Variants in LRRTM4 observed in about 807,000 individuals in gnomAD.
LRRTM4 encodes leucine rich repeat transmembrane neuronal 4.
Under a neutral mutation model 47.6 loss-of-function variants are expected in LRRTM4, and 25 were observed. The ratio of observed to expected loss-of-function variants is 0.53; its 90% CI spans 0.38 to 0.73. The LOEUF (loss-of-function observed/expected upper bound fraction) is 0.73. LRRTM4 is among the 30% of genes least tolerant of loss of function. LRRTM4 has a pLI of 0.00. For missense variants in LRRTM4, 638 were observed against 713.4 expected (o/e 0.89, Z 1.20); for synonymous variants, 311 against 269.5 (o/e 1.15, Z -1.51).
chr2:77,242,524 T>A (rs1007597376), intron 3 of LRRTM4, among the ~76,000 whole-genome samples: 1 of 152,004 alleles, frequency 6.6e-6, no homozygotes, highest in Non-Finnish European at 1.5e-5. Context: ...GACATTTCTC[T>A]AAAATACATA....
chr2:76,804,864 T>C (rs1454818050), intron 3 of LRRTM4, among the ~76,000 whole-genome samples: 1 of 151,608 alleles, frequency 6.6e-6, no homozygotes, highest in Non-Finnish European at 1.5e-5. Context: ...GTTAATAGAT[T>C]TTTTTAAAGC....
At chr2:77,521,938 C>T (rs1216347223) in intron 1 of LRRTM4, 120 bp from the exon 2 acceptor site, 6 of 532,874 alleles carry the variant, frequency 1.1e-5, no homozygotes, top group African/African-American at 8.7e-5. Context: ...AAAAGGAAGC[C>T]GTTGGGGGGA....
chr2:77,362,123 A>G (rs868047469), intron 3 of LRRTM4, among the ~76,000 whole-genome samples: 8 of 115,408 alleles, frequency 6.9e-5, no homozygotes, highest in South Asian at 3.0e-4. Context: ...GAGAGAAAGA[A>G]AGAAAGAAAG....
intron 3 of LRRTM4, among the ~76,000 whole-genome samples, chr2:77,215,253 T>C (rs999508429): frequency 6.6e-6 from 1 of 151,866 alleles, no homozygotes; most frequent in Admixed American, 6.6e-5. Context: ...AAAGAAAAAA[T>C]GATTATGGAA....
chr2:77,090,054 A>G (rs1479654207), intron 3 of LRRTM4, among the ~76,000 whole-genome samples: 1 of 152,072 alleles, frequency 6.6e-6, no homozygotes, highest in South Asian at 2.1e-4. Flanking sequence ...CTTGCTCCCC[A>G]GGCTGCTCCT....
At chr2:77,364,664 TGTAATGCA>T (rs1352064038) in intron 3 of LRRTM4, among the ~76,000 whole-genome samples, 1 of 152,070 alleles carries the variant, frequency 6.6e-6, no homozygotes, top group Non-Finnish European at 1.5e-5. Flanking sequence ...GTCAATAGTC[TGTAATGCA>T]GCTTCTACCC....
chr2:77,068,030 T>C (rs1309524782), intron 3 of LRRTM4, among the ~76,000 whole-genome samples: 1 of 152,122 alleles, frequency 6.6e-6, no homozygotes, highest in Non-Finnish European at 1.5e-5. Context: ...TTAAAAGTTA[T>C]AAATTAATAC....
At chr2:77,376,919 A>AC (rs1672862337) in intron 3 of LRRTM4, among the ~76,000 whole-genome samples, 2 of 151,944 alleles carry the variant, frequency 1.3e-5, no homozygotes, top group African/African-American at 4.8e-5. Context: ...GAGAATAACT[A>AC]CAAGAACTAT....
intron 3 of LRRTM4, among the ~76,000 whole-genome samples, chr2:76,797,418 G>C (rs186877991): frequency 6.6e-6 from 1 of 152,016 alleles, no homozygotes; most frequent in Non-Finnish European, 1.5e-5. Context: ...CAAATGCTGA[G>C]AGATTTTGTC....
chr2:77,331,908 C>T (rs1161255968), intron 3 of LRRTM4, among the ~76,000 whole-genome samples: 1 of 152,066 alleles, frequency 6.6e-6, no homozygotes, highest in Non-Finnish European at 1.5e-5. Context: ...TGGATTTACA[C>T]AATTTAATTA....
At chr2:76,769,166 C>A (rs1456922355) in intron 3 of LRRTM4, among the ~76,000 whole-genome samples, 1 of 152,104 alleles carries the variant, frequency 6.6e-6, no homozygotes, top group East Asian at 1.9e-4. Context: ...TTAACATCTT[C>A]ATAGGACTAG....
chr2:76,770,687 T>C (rs923894244), intron 3 of LRRTM4, among the ~76,000 whole-genome samples: 2 of 152,186 alleles, frequency 1.3e-5, no homozygotes, highest in African/African-American at 4.8e-5. Context: ...AAAAGCTATG[T>C]AAAATACATC....
chr2:77,104,625 T>C (rs1671043547), intron 3 of LRRTM4, among the ~76,000 whole-genome samples: 1 of 152,154 alleles, frequency 6.6e-6, no homozygotes, highest in South Asian at 2.1e-4. Flanking sequence ...TAAGCATTTG[T>C]GCAGAAGGAA....
chr2:76,874,935 AT>A (rs1672736837), intron 3 of LRRTM4, among the ~76,000 whole-genome samples: 1 of 152,086 alleles, frequency 6.6e-6, no homozygotes, highest in South Asian at 2.1e-4. Context: ...GATATTTGTT[AT>A]AGTAATTTAA....
chr2:77,159,065 T>A (rs2103803018), intron 3 of LRRTM4, among the ~76,000 whole-genome samples: 1 of 152,314 alleles, frequency 6.6e-6, no homozygotes, highest in African/African-American at 2.4e-5. Context: ...CTAAATTTGA[T>A]GACATTTTAT....
intron 3 of LRRTM4, among the ~76,000 whole-genome samples, chr2:76,918,966 T>G (rs1270098110): frequency 6.6e-6 from 1 of 152,148 alleles, no homozygotes; most frequent in African/African-American, 2.4e-5. Flanking sequence ...CTGGTTACGG[T>G]TTATTGCAGC....
chr2:76,844,095 G>A (rs1558688877), intron 3 of LRRTM4, among the ~76,000 whole-genome samples: 2 of 151,390 alleles, frequency 1.3e-5, no homozygotes, highest in African/African-American at 2.4e-5. Context: ...TAGAGATGGG[G>A]TTTCACCATG....
In LRRTM4 at chr2:77,521,689, C is replaced by T. The variant is rs762068664; in HGVS notation, c.-18G>A. The T allele has an allele frequency of 2.7e-5, 44 of 1,612,040 alleles. No individual in the cohort carries two copies. Among genetic ancestry groups the T allele is most frequent in the East Asian group, 4.5e-5 (2 of 44,792 alleles). ...TTACCCATCCTTTGTCATCCAAAAA[C>T]GTTTCCCCCCTCTCTCAGCTTTCTT... On this transcript the variant is annotated 5_prime_UTR_variant, in exon 2 of 4. Transcript: ENST00000409884.
At chr2:77,273,334 G>A (rs1332943739) in intron 3 of LRRTM4, among the ~76,000 whole-genome samples, 2 of 152,108 alleles carry the variant, frequency 1.3e-5, no homozygotes, top group African/African-American at 2.4e-5. Flanking sequence ...CTTTTATTGA[G>A]TGAATAAGCA....
Sources: allele counts gnomAD v4.1 joint callset (sites outside exome capture counted in the v4.1 genomes callset), GRCh38; gene constraint gnomAD v4.1.1; transcripts MANE v1.5; gene names NCBI Gene and HGNC (gene_info 2026-07-23, HGNC 2026-07-21).